SPMIP11: variants seen among roughly 807,000 people sequenced by gnomAD.
SPMIP11 encodes sperm microtubule inner protein 11, also known as long intergenic non-protein coding RNA 935.
At chr12:48,727,450 A>G in the SPMIP11 span, 2 of 702,368 alleles carry the variant, frequency 2.8e-6, no homozygotes. Flanking sequence ...CCCAACCTGG[A>G]CGTTCCAGAA....
the SPMIP11 span, chr12:48,766,837 A>T: frequency 6.6e-6 from 1 of 152,322 alleles, no homozygotes; most frequent in South Asian, 2.1e-4. Context: ...AGCAAAATTC[A>T]GGCTAGTGCC....
chr12:48,754,864 A>G, the SPMIP11 span, among the ~76,000 whole-genome samples: 1 of 151,260 alleles, frequency 6.6e-6, no homozygotes, highest in Non-Finnish European at 1.5e-5. Context: ...TTCCCACTTC[A>G]GCCTCCCGAG....
the SPMIP11 span, chr12:48,770,797 C>T: frequency 6.2e-7 from 1 of 1,614,162 alleles, no homozygotes. Context: ...TGAAGGAGTG[C>T]TCATTGATGT....
At chr12:48,731,257 C>T in the SPMIP11 span, among the ~76,000 whole-genome samples, 2 of 152,190 alleles carry the variant, frequency 1.3e-5, no homozygotes, top group Non-Finnish European at 2.9e-5. Flanking sequence ...CTTTGGAAGG[C>T]CAACGTGGGC....
At chr12:48,728,658 A>C in the SPMIP11 span, among the ~76,000 whole-genome samples, 167 of 148,970 alleles carry the variant, frequency 1.1e-3, no homozygotes, top group African/African-American at 3.9e-3. Flanking sequence ...CAGTGAGCTG[A>C]AATCGAGCCA....
chr12:48,768,670 A>T, the SPMIP11 span: 1 of 1,614,128 alleles, frequency 6.2e-7, no homozygotes, highest in Non-Finnish European at 8.5e-7. Context: ...TCGACACTCC[A>T]GCTGGTAGCC....
the SPMIP11 span, chr12:48,759,198 T>C: frequency 1.4e-6 from 1 of 702,638 alleles, no homozygotes; most frequent in African/African-American, 1.7e-5. Flanking sequence ...ACGAGTCTAC[T>C]CTAATTTCAG....
At chr12:48,754,888 A>G in the SPMIP11 span, among the ~76,000 whole-genome samples, 1 of 152,052 alleles carries the variant, frequency 6.6e-6, no homozygotes, top group South Asian at 2.1e-4. Flanking sequence ...CTGGGACCAC[A>G]GGCTCGTGCC....
the SPMIP11 span, chr12:48,769,054 G>A: frequency 1.2e-6 from 2 of 1,612,238 alleles, no homozygotes; most frequent in East Asian, 2.2e-5. Flanking sequence ...CTGGGCCCAT[G>A]TTCAGCCCTG....
the SPMIP11 span, among the ~76,000 whole-genome samples, chr12:48,745,908 G>A: frequency 3.6e-4 from 54 of 152,008 alleles, no homozygotes; most frequent in Admixed American, 3.0e-3. Flanking sequence ...TTATATATTC[G>A]TATGTATAAA....
the SPMIP11 span, among the ~76,000 whole-genome samples, chr12:48,759,653 G>C: frequency 4.0e-5 from 6 of 149,126 alleles, no homozygotes; most frequent in African/African-American, 1.5e-4. Flanking sequence ...TTGGGCAACA[G>C]AGTGACACTT....
chr12:48,749,413 G>A, the SPMIP11 span, among the ~76,000 whole-genome samples: 1 of 151,888 alleles, frequency 6.6e-6, no homozygotes, highest in African/African-American at 2.4e-5. Flanking sequence ...TGGATCACTT[G>A]AGGTCAGAAG....
the SPMIP11 span, among the ~76,000 whole-genome samples, chr12:48,756,778 T>TTA: frequency 7.8e-6 from 1 of 127,536 alleles, no homozygotes; most frequent in African/African-American, 2.6e-5. Flanking sequence ...TTTCTTTTTT[T>TTA]CTTTTTTTTT....
the SPMIP11 span, among the ~76,000 whole-genome samples, chr12:48,760,948 G>A: frequency 6.6e-5 from 10 of 152,202 alleles, no homozygotes; most frequent in African/African-American, 2.2e-4. Context: ...ATCCCTTTGA[G>A]GAATAGTAAG....
At chr12:48,770,877 C>T in the SPMIP11 span, 5 of 1,614,230 alleles carry the variant, frequency 3.1e-6, no homozygotes, top group South Asian at 1.1e-5. Context: ...CCCACCTGAT[C>T]GTAGGTGCTG....
the SPMIP11 span, among the ~76,000 whole-genome samples, chr12:48,740,549 T>C: frequency 1.3e-5 from 2 of 151,134 alleles, no homozygotes; most frequent in South Asian, 4.2e-4. Context: ...CTGCAATGCA[T>C]TGAGGTGATC....
the SPMIP11 span, among the ~76,000 whole-genome samples, chr12:48,752,005 T>G: frequency 1.3e-5 from 2 of 149,172 alleles, no homozygotes; most frequent in Non-Finnish European, 3.0e-5. Context: ...AGGCGGAGGT[T>G]GCAGTGAGCT....
chr12:48,731,874 C>A, the SPMIP11 span, among the ~76,000 whole-genome samples: 1 of 152,044 alleles, frequency 6.6e-6, no homozygotes, highest in South Asian at 2.1e-4. Context: ...TTTGGCCAGG[C>A]GCAATGGCTC....
chr12:48,736,246 A>C, the SPMIP11 span: 14 of 302,934 alleles, frequency 4.6e-5, no homozygotes, highest in African/African-American at 6.9e-5. Flanking sequence ...TCTACCCCGC[A>C]AAAAAACACA....
Sources: gnomAD v4.1 joint callset for allele counts (sites outside exome capture counted in the v4.1 genomes callset) on GRCh38, gnomAD v4.1.1 for gene constraint, MANE v1.5 for transcripts, NCBI Gene and HGNC (gene_info 2026-07-23, HGNC 2026-07-21) for gene names.